ZFYVE9: variants seen among roughly 807,000 people sequenced by gnomAD.
ZFYVE9 encodes zinc finger FYVE-type containing 9.
ZFYVE9 carries 43 observed loss-of-function variants against 126.7 expected under a neutral mutation model. The ratio of observed to expected loss-of-function variants is 0.34; its 90% CI spans 0.27 to 0.44. The LOEUF is 0.44. Among genes scored for constraint, ZFYVE9 ranks in the 20% least tolerant of loss-of-function variants. The pLI is 1.00. For missense variants in ZFYVE9, 1,476 were observed against 1,697.0 expected, an observed-to-expected ratio of 0.87 and a Z score of 2.29; for synonymous variants, 521 against 597.4, an observed-to-expected ratio of 0.87 and a Z score of 1.87.
At chr1:52,286,014 G>A (rs970165658) in intron 10 of ZFYVE9, among the ~76,000 whole-genome samples, 1 of 152,042 alleles carries the variant, frequency 6.6e-6, no homozygotes, top group Non-Finnish European at 1.5e-5. Flanking sequence ...AAATTAGCCG[G>A]GTGTGATGGT....
intron 1 of ZFYVE9, among the ~76,000 whole-genome samples, chr1:52,206,769 C>G (rs1056607943): frequency 3.9e-5 from 6 of 152,108 alleles, no homozygotes; most frequent in Non-Finnish European, 5.9e-5. Context: ...AGGCTCTTCT[C>G]GAACTCCTGA....
At chr1:52,259,558 C>T (rs539827430) in intron 4 of ZFYVE9, among the ~76,000 whole-genome samples, 5 of 149,128 alleles carry the variant, frequency 3.4e-5, no homozygotes, top group Non-Finnish European at 7.4e-5. Context: ...GAGGCCCAGG[C>T]GGGCAGATCA....
intron 1 of ZFYVE9, among the ~76,000 whole-genome samples, chr1:52,149,048 T>C (rs2124492043): frequency 7.7e-6 from 1 of 129,586 alleles, no homozygotes; most frequent in Middle Eastern, 4.5e-3. Flanking sequence ...CACTGTAACC[T>C]CCACCTCCCA....
At chr1:52,288,569 C>A (rs1288042736) in intron 10 of ZFYVE9, among the ~76,000 whole-genome samples, 1 of 152,204 alleles carries the variant, frequency 6.6e-6, no homozygotes, top group Non-Finnish European at 1.5e-5. Context: ...ACAAAGAACT[C>A]CAAGAAGCTT....
At chr1:52,185,743 G>A (rs1007386727) in intron 1 of ZFYVE9, among the ~76,000 whole-genome samples, 2 of 152,008 alleles carry the variant, frequency 1.3e-5, no homozygotes, top group Non-Finnish European at 1.5e-5. Flanking sequence ...CCAACATGGT[G>A]AAACCCCATC....
intron 17 of ZFYVE9, among the ~76,000 whole-genome samples, chr1:52,342,290 GA>G (rs1182214021): frequency 2.3e-5 from 3 of 131,178 alleles, no homozygotes; most frequent in Non-Finnish European, 3.2e-5. Context: ...TTTTGAGACA[GA>G]GTCTCGCTCT....
intron 1 of ZFYVE9, among the ~76,000 whole-genome samples, chr1:52,205,379 GT>G (rs998792577): frequency 6.7e-6 from 1 of 149,916 alleles, no homozygotes; most frequent in Admixed American, 6.7e-5. Context: ...CCAGCTTTTT[GT>G]TTTTTTTTAA....
chr1:52,306,948 G>T (rs2820332), intron 13 of ZFYVE9, among the ~76,000 whole-genome samples: 12,127 of 152,238 alleles, frequency 0.08, 657 homozygotes, highest in African/African-American at 0.15. Flanking sequence ...ACAGACATGG[G>T]ATCCAGGCTG....
intron 1 of ZFYVE9, among the ~76,000 whole-genome samples, chr1:52,153,358 G>A (rs1024557924): frequency 6.6e-6 from 1 of 152,174 alleles, no homozygotes; most frequent in Non-Finnish European, 1.5e-5. Context: ...GAGCCACAAA[G>A]TTCTAGAGCC....
At chr1:52,170,172 T>G (rs1205768084) in intron 1 of ZFYVE9, among the ~76,000 whole-genome samples, 1 of 152,216 alleles carries the variant, frequency 6.6e-6, no homozygotes, top group Non-Finnish European at 1.5e-5. Flanking sequence ...CATTAATTTA[T>G]GAACATACTA....
At chr1:52,250,282 C>A (rs1386120340) in intron 4 of ZFYVE9, among the ~76,000 whole-genome samples, 1 of 152,094 alleles carries the variant, frequency 6.6e-6, no homozygotes, top group Admixed American at 6.5e-5. Context: ...TCTTTAATTT[C>A]TTTTAGCAAT....
rs1645389755 is a variant in ZFYVE9 at position 52,246,761 on chromosome 1, G to A, written c.2178+7166G>A. Among the ~76,000 whole-genome samples, 3 of 147,226 alleles carry A rather than the reference G, an allele frequency of 2.0e-5. No homozygotes were observed. The Admixed American group carries it at 2.1e-4, about 10-fold the overall frequency. On this transcript the variant is annotated intron_variant, in intron 4 of 18. Coordinates refer to ENST00000287727, the MANE Select transcript of ZFYVE9 (RefSeq NM_004799.4). The stretch of plus-strand genomic sequence containing the variant: ...TCTTGTTGCTTGCCCAGGCTGGAGT[G>A]CAGTAGCAAGATCTTGGCTCACTGC...
chr1:52,196,491 G>A (rs1207258002), intron 1 of ZFYVE9, among the ~76,000 whole-genome samples: 2 of 152,060 alleles, frequency 1.3e-5, no homozygotes, highest in African/African-American at 4.8e-5. Flanking sequence ...CAAAAAATTA[G>A]CCAGGTGTGG....
intron 10 of ZFYVE9, among the ~76,000 whole-genome samples, chr1:52,285,536 TTG>T (rs1276583120): frequency 6.6e-6 from 1 of 152,112 alleles, no homozygotes; most frequent in Non-Finnish European, 1.5e-5. Flanking sequence ...GCGAACCCTG[TTG>T]TGAACTGCGC....
rs752638508 is a variant in ZFYVE9, at chr1:52,337,893, C to T, written c.3792C>T (p.Ile1264=). 121 of 1,614,192 alleles carry T rather than the reference C, an allele frequency of 7.5e-5. 1 individual carries two copies. The South Asian group carries it at 1.3e-3, about 17-fold the overall frequency. Residue 1264 remains isoleucine (I), a synonymous_variant, in exon 16 of 19, where the codon ATC becomes ATT. Coordinates refer to ENST00000287727, the MANE Select transcript of ZFYVE9 (RefSeq NM_004799.4). Reference sequence around the variant, plus strand: ...ACGCGGAGGAACCCCAGGAGCACATCCACATCCAGTGGGTGGATGATGACA... The same window carrying T: ...ACGCGGAGGAACCCCAGGAGCACATTCACATCCAGTGGGTGGATGATGACA... ...KADAEEPQEH[I]HIQWVDDDKN...
At chr1:52,294,815 C>G (rs1041697114) in intron 11 of ZFYVE9, among the ~76,000 whole-genome samples, 10 of 152,186 alleles carry the variant, frequency 6.6e-5, no homozygotes, top group Non-Finnish European at 2.9e-5. Flanking sequence ...GTGTATCTTC[C>G]TATTTTATAC....
intron 1 of ZFYVE9, among the ~76,000 whole-genome samples, chr1:52,192,942 A>G (rs1211192059): frequency 6.6e-6 from 1 of 152,240 alleles, no homozygotes; most frequent in African/African-American, 2.4e-5. Context: ...TCTAAACTGT[A>G]GGCAGAACAA....
intron 1 of ZFYVE9, among the ~76,000 whole-genome samples, chr1:52,187,916 T>G (rs948047052): frequency 6.6e-6 from 1 of 152,290 alleles, no homozygotes; most frequent in Non-Finnish European, 1.5e-5. Context: ...TCCCTTGTTT[T>G]GTGATTCCTC....
At position 52,237,998 on chromosome 1, in the gene ZFYVE9, A is replaced by G. The variant is rs911512386; in HGVS notation, c.581A>G (p.Gln194Arg). ...GATAATGAAAACAGACAAACTGATC[A>G]ATTTAGTTTTAGTATAAATGAGTCC... ...SLDNENRQTD[Q>R]FSFSINESTE... Residue 194 changes from glutamine to arginine, a missense_variant, in exon 4 of 19, where the codon CAA becomes CGA. Gln to Arg is a conservative substitution (Grantham distance 43, BLOSUM62 1). This residue lies in a region of ZFYVE9 where 807 missense variants were observed against 794.6 expected (regional missense o/e 1.02). Transcript: ENST00000287727. 11 of 1,613,908 alleles carry G rather than the reference A, an allele frequency of 6.8e-6. No homozygotes were observed. The highest frequency in any genetic ancestry group is 3.3e-5 in the Admixed American group (2 of 59,976).
Sources: allele counts gnomAD v4.1 joint callset (sites outside exome capture counted in the v4.1 genomes callset), GRCh38; gene constraint gnomAD v4.1.1; regional missense constraint gnomAD v4.1.1; transcripts MANE v1.5; gene names NCBI Gene and HGNC (gene_info 2026-07-23, HGNC 2026-07-21).